The following GPC5 variants were observed in gnomAD, a reference collection of about 807,000 sequenced individuals.
The protein encoded by GPC5 is glypican-5.
GPC5 carries 47 observed loss-of-function variants against 53.9 expected under a neutral mutation model. That is an observed-to-expected ratio of 0.87 (90% confidence interval 0.69 to 1.11). GPC5 has a LOEUF of 1.11. Ranked by LOEUF, GPC5 falls within the 50% of genes most tolerant of loss-of-function variation. GPC5 has a pLI of 0.00. For synonymous variants in GPC5, 286 were observed against 263.3 expected (o/e 1.09, Z -0.84); for missense variants, 748 against 713.1 (o/e 1.05, Z -0.56).
intron 2 of GPC5, among the ~76,000 whole-genome samples, chr13:91,619,200 A>G (rs748868482): frequency 6.6e-6 from 1 of 152,108 alleles, no homozygotes; most frequent in Non-Finnish European, 1.5e-5. Context: ...CAGCTGTTAA[A>G]CATTTCAAAA....
At chr13:92,737,944 T>C (rs1349188405) in intron 7 of GPC5, among the ~76,000 whole-genome samples, 1 of 151,674 alleles carries the variant, frequency 6.6e-6, no homozygotes, top group African/African-American at 2.4e-5. Flanking sequence ...TTTTGTATTT[T>C]TAATAGAGAC....
chr13:92,277,566 C>G (rs529284257), intron 7 of GPC5, among the ~76,000 whole-genome samples: 8 of 151,948 alleles, frequency 5.3e-5, no homozygotes, highest in African/African-American at 1.7e-4. Context: ...TGCATTTCCT[C>G]CTCTGCTGCT....
chr13:91,533,698 A>G (rs1410650161), intron 2 of GPC5, among the ~76,000 whole-genome samples: 1 of 152,224 alleles, frequency 6.6e-6, no homozygotes, highest in Non-Finnish European at 1.5e-5. Context: ...AGCAAAACTT[A>G]AACAGGTCTG....
chr13:91,459,241 G>A (rs918549881), intron 2 of GPC5, among the ~76,000 whole-genome samples: 6 of 151,878 alleles, frequency 4.0e-5, no homozygotes, highest in African/African-American at 1.5e-4. Flanking sequence ...GTTGGAGTGA[G>A]CCATGATTGC....
chr13:91,642,025 G>A (rs966285819), intron 2 of GPC5, among the ~76,000 whole-genome samples: 3 of 152,116 alleles, frequency 2.0e-5, no homozygotes, highest in Non-Finnish European at 4.4e-5. Context: ...CTGGATTGGT[G>A]GTAAATGCCA....
At chr13:92,250,331 A>G (rs1334793191) in intron 7 of GPC5, among the ~76,000 whole-genome samples, 2 of 152,158 alleles carry the variant, frequency 1.3e-5, no homozygotes, top group East Asian at 1.9e-4. Flanking sequence ...TTTTAATATT[A>G]GCCTTCAAAT....
chr13:92,234,310 T>C (rs1169612076), intron 7 of GPC5, among the ~76,000 whole-genome samples: 3 of 152,174 alleles, frequency 2.0e-5, no homozygotes, highest in African/African-American at 7.2e-5. Context: ...CCACATCCTC[T>C]CCAGCACCTG....
intron 4 of GPC5, among the ~76,000 whole-genome samples, chr13:91,742,476 T>C (rs2036956512): frequency 6.6e-6 from 1 of 152,214 alleles, no homozygotes; most frequent in African/African-American, 2.4e-5. Context: ...ATGAATCATC[T>C]TAAATGAAAT....
intron 7 of GPC5, among the ~76,000 whole-genome samples, chr13:92,781,512 C>A (rs924574735): frequency 2.0e-5 from 3 of 151,962 alleles, no homozygotes; most frequent in Non-Finnish European, 2.9e-5. Context: ...TTTAGTAGAT[C>A]TCTAGATAAT....
chr13:92,470,698 A>G (rs1400781622), intron 7 of GPC5, among the ~76,000 whole-genome samples: 1 of 152,172 alleles, frequency 6.6e-6, no homozygotes, highest in Non-Finnish European at 1.5e-5. Flanking sequence ...TAAAAAAGAA[A>G]TAAGTATTTT....
At chr13:92,651,584 T>C (rs1342488219) in intron 7 of GPC5, among the ~76,000 whole-genome samples, 1 of 152,112 alleles carries the variant, frequency 6.6e-6, no homozygotes, top group East Asian at 1.9e-4. Context: ...TATATGATTG[T>C]GGTTGGGATC....
chr13:92,564,884 AG>A (rs553338172), intron 7 of GPC5, among the ~76,000 whole-genome samples: 40 of 152,242 alleles, frequency 2.6e-4, no homozygotes, highest in Middle Eastern at 3.4e-3. Flanking sequence ...TCCAAATAAA[AG>A]ATGTTATTCT....
chr13:92,368,408 C>A (rs1328881676), intron 7 of GPC5, among the ~76,000 whole-genome samples: 1 of 151,292 alleles, frequency 6.6e-6, no homozygotes, highest in Non-Finnish European at 1.5e-5. Flanking sequence ...CTTTGGGAGG[C>A]TGAGGCAGAA....
At chr13:91,572,210 C>CGTGTGTATATACACATATGTATATATAT (rs1555326089) in intron 2 of GPC5, among the ~76,000 whole-genome samples, 1 of 83,850 alleles carries the variant, frequency 1.2e-5, no homozygotes, top group Non-Finnish European at 2.6e-5. Context: ...TGTATATATA[C>CGTGTGTATATACACATATGTATATATAT]GTGTATATAT....
intron 4 of GPC5, among the ~76,000 whole-genome samples, chr13:91,729,594 A>T (rs1048460440): frequency 6.6e-6 from 1 of 152,150 alleles, no homozygotes; most frequent in Admixed American, 6.6e-5. Flanking sequence ...TTCTCTCATC[A>T]GATGGGCTGT....
At chr13:91,749,891 A>G (rs776947940) in intron 4 of GPC5, among the ~76,000 whole-genome samples, 2 of 152,112 alleles carry the variant, frequency 1.3e-5, no homozygotes, top group Non-Finnish European at 2.9e-5. Context: ...GCTCACTACA[A>G]CCTCTGCCTC....
chr13:91,753,498 C>T (rs2037223356), intron 4 of GPC5, among the ~76,000 whole-genome samples: 1 of 152,204 alleles, frequency 6.6e-6, no homozygotes, highest in African/African-American at 2.4e-5. Flanking sequence ...GGCTCCTTCT[C>T]ACATCCTCAG....
chr13:92,530,005 G>C (rs1172924281), intron 7 of GPC5, among the ~76,000 whole-genome samples: 1 of 152,114 alleles, frequency 6.6e-6, no homozygotes, highest in African/African-American at 2.4e-5. Context: ...AGGATGGCTT[G>C]AGCCCAGGAG....
chr13:91,609,942 C>T lies in GPC5; in HGVS notation c.326-83245C>T, dbSNP rs562171650. ...TGGATTGGCCAGGGCGATTCAAAGACAGGTCCTCCTGCACACCTATTTGTG... is the reference window on the plus strand; with the variant it reads ...TGGATTGGCCAGGGCGATTCAAAGATAGGTCCTCCTGCACACCTATTTGTG... On this transcript the variant is annotated intron_variant, in intron 2 of 7. Transcript: ENST00000377067. Among the ~76,000 whole-genome samples, 28 of 152,280 alleles carry T rather than the reference C, an allele frequency of 1.8e-4. 1 individual carries two copies. The highest frequency in any genetic ancestry group is 7.2e-4 in the Admixed American group (11 of 15,300).
Sources: allele counts gnomAD v4.1 joint callset (sites outside exome capture counted in the v4.1 genomes callset), GRCh38; gene constraint gnomAD v4.1.1; transcripts MANE v1.5; gene names NCBI Gene and HGNC (gene_info 2026-07-23, HGNC 2026-07-21).